CREB5: variants seen among roughly 807,000 people sequenced by gnomAD.
CREB5 encodes cyclic AMP-responsive element-binding protein 5.
In CREB5, 19 loss-of-function variants were observed where a neutral mutation model predicts 57.1. The observed-to-expected ratio is 0.33, with a 90% confidence interval of 0.23 to 0.49. The LOEUF is 0.49. Among genes scored for constraint, CREB5 ranks in the 20% least tolerant of loss-of-function variants. CREB5 has a pLI of 0.99. For missense variants in CREB5, 579 were observed against 671.6 expected (o/e 0.86, Z 1.52); for synonymous variants, 238 against 238.3 (o/e 1.00, Z 0.01).
intron 4 of CREB5, among the ~76,000 whole-genome samples, chr7:28,530,638 A>T (rs1433371119): frequency 6.6e-6 from 1 of 152,168 alleles, no homozygotes; most frequent in Non-Finnish European, 1.5e-5. Context: ...CCCTCCCTCT[A>T]CGCTGCTGAA....
chr7:28,749,810 T>G lies in CREB5; in HGVS notation c.702+25478T>G, dbSNP rs535069581. ...CATCAGTACGAATAGAAGAAGTGTT[T>G]AATGCAGTTGCCAGATTTTTATGCA... On this transcript the variant is annotated intron_variant, in intron 7 of 10. Transcript: ENST00000357727. Among the ~76,000 whole-genome samples, 10 of 152,342 alleles carry G rather than the reference T, an allele frequency of 6.6e-5. 1 individual carries two copies. Among genetic ancestry groups the G allele is most frequent in the African/African-American group, 2.4e-4 (10 of 41,572 alleles).
chr7:28,711,258 C>T (rs954570189), intron 5 of CREB5, among the ~76,000 whole-genome samples: 1 of 152,188 alleles, frequency 6.6e-6, no homozygotes, highest in Non-Finnish European at 1.5e-5. Flanking sequence ...TCTTCCTGCA[C>T]ACTCAACATT....
At chr7:28,312,412 G>T (rs913137912) in intron 1 of CREB5, among the ~76,000 whole-genome samples, 2 of 152,198 alleles carry the variant, frequency 1.3e-5, no homozygotes, top group African/African-American at 4.8e-5. Context: ...GAGCTGCAAG[G>T]AATGCTGGCA....
chr7:28,327,297 G>C (rs12674177), intron 1 of CREB5, among the ~76,000 whole-genome samples: 20,912 of 151,940 alleles, frequency 0.14, 1,579 homozygotes, highest in East Asian at 0.25. Context: ...GTAAATTTTG[G>C]CTCCAAGAAA....
At position 28,819,183 on chromosome 7, in the gene CREB5, T is replaced by TA. The variant is rs1271536294; in HGVS notation, c.1432dup (p.Thr478AsnfsTer45). 6.2e-7 allele frequency: 1 copy of TA among 1,613,854 alleles called. No homozygotes were observed. Among genetic ancestry groups the TA allele is most frequent in the South Asian group, 1.1e-5 (1 of 91,068 alleles). On this transcript the variant is annotated frameshift_variant, in exon 11 of 11. Transcript: ENST00000357727. LOFTEE classifies it high-confidence loss of function. Reference sequence around the variant, plus strand: ...CCCAGCAACAAGTCATCCAGCATAATACCATCACTACTTCCTCATCGGTCA... The same window carrying TA: ...CCCAGCAACAAGTCATCCAGCATAATAACCATCACTACTTCCTCATCGGTCA...
At chr7:28,560,851 T>TGTGCGCGTGC (rs1795105392) in intron 4 of CREB5, among the ~76,000 whole-genome samples, 4 of 69,142 alleles carry the variant, frequency 5.8e-5, no homozygotes, top group African/African-American at 2.3e-4. Flanking sequence ...TGTGCGCGTG[T>TGTGCGCGTGC]GTGTGTGCGT....
At chr7:28,463,267 C>T (rs1239511398) in intron 1 of CREB5, among the ~76,000 whole-genome samples, 2 of 152,098 alleles carry the variant, frequency 1.3e-5, no homozygotes, top group African/African-American at 2.4e-5. Flanking sequence ...TATGGACTCT[C>T]AGTTCTATCT....
At chr7:28,526,971 CAT>C (rs1441089172) in intron 4 of CREB5, among the ~76,000 whole-genome samples, 1 of 152,226 alleles carries the variant, frequency 6.6e-6, no homozygotes, top group Non-Finnish European at 1.5e-5. Context: ...CACCTGGACA[CAT>C]ACTCTACACC....
At chr7:28,488,834 G>A (rs1019678977) in intron 2 of CREB5, among the ~76,000 whole-genome samples, 2 of 152,172 alleles carry the variant, frequency 1.3e-5, no homozygotes, top group South Asian at 4.1e-4. Flanking sequence ...GTGGGAATTC[G>A]AAGAGATACT....
chr7:28,455,526 T>C (rs894942997), intron 1 of CREB5, among the ~76,000 whole-genome samples: 3 of 152,204 alleles, frequency 2.0e-5, no homozygotes, highest in African/African-American at 7.2e-5. Context: ...ATCCTCTAAG[T>C]ATGTGGTAGA....
At position 28,560,953 on chromosome 7, in the gene CREB5, T is replaced by C. The variant is rs1294297467; in HGVS notation, c.292-9412T>C. Among the ~76,000 whole-genome samples the C allele has an allele frequency of 6.9e-3, 326 of 47,070 alleles. 16 individuals carry two copies. The highest frequency in any genetic ancestry group is 0.045 in the South Asian group (38 of 840). The allele number at this position is 47,070 out of a possible 152,430, so 30.9% of individuals were successfully genotyped here. The stretch of plus-strand genomic sequence containing the variant: ...GCGTGTGTGCGTGCGTGTGTGTGCG[T>C]GTGTGTGCGTGTGTGTGTGCGTGTG... On this transcript the variant is annotated intron_variant, in intron 4 of 10. Coordinates refer to ENST00000357727, the MANE Select transcript of CREB5 (RefSeq NM_182898.4).
intron 10 of CREB5, 117 bp downstream of exon 10, chr7:28,818,296 T>C (rs1031867084): frequency 1.4e-5 from 10 of 700,148 alleles, no homozygotes; most frequent in African/African-American, 5.4e-5. Flanking sequence ...CAGGCAGATA[T>C]ACAAGAATTC....
chr7:28,744,019 GT>G (rs1339077236), intron 7 of CREB5, among the ~76,000 whole-genome samples: 1 of 75,058 alleles, frequency 1.3e-5, no homozygotes, highest in Non-Finnish European at 2.5e-5. Flanking sequence ...CCCCACCACA[GT>G]CCCCAGAGTG....
intron 5 of CREB5, among the ~76,000 whole-genome samples, chr7:28,715,170 G>A (rs549791314): frequency 5.1e-4 from 78 of 152,286 alleles, no homozygotes; most frequent in Middle Eastern, 3.4e-3. Context: ...AATATCAAAA[G>A]AAATGAACTG....
At chr7:28,636,416 CCTT>C (rs1798419740) in intron 5 of CREB5, among the ~76,000 whole-genome samples, 2 of 152,146 alleles carry the variant, frequency 1.3e-5, no homozygotes, top group Admixed American at 6.5e-5. Context: ...TCATCTTCCT[CCTT>C]CTCCAAATCT....
rs545848554 is a variant in CREB5 at position 28,629,577 on chromosome 7, A to C, written c.464+59040A>C. Among the ~76,000 whole-genome samples, 13 of 152,296 alleles carry C rather than the reference A, an allele frequency of 8.5e-5. No individual in the cohort carries two copies. The East Asian group carries it at 2.1e-3, about 25-fold the overall frequency. On this transcript the variant is annotated intron_variant, in intron 5 of 10. Transcript: ENST00000357727. Reference sequence around the variant, plus strand: ...GTTGAACAGTTGTGTTGCTTTCAGGAAACACGTTGGCCTTCTAGGGTTAGG... The same window carrying C: ...GTTGAACAGTTGTGTTGCTTTCAGGCAACACGTTGGCCTTCTAGGGTTAGG...
chr7:28,333,520 A>G (rs1785754579), intron 1 of CREB5, among the ~76,000 whole-genome samples: 1 of 151,874 alleles, frequency 6.6e-6, no homozygotes, highest in Non-Finnish European at 1.5e-5. Flanking sequence ...TTTGGTACCC[A>G]TTAACCGTTC....
chr7:28,638,378 C>G (rs1418576339), intron 5 of CREB5, among the ~76,000 whole-genome samples: 1 of 66,000 alleles, frequency 1.5e-5, no homozygotes, highest in African/African-American at 7.0e-5. Context: ...CAGAATCTCA[C>G]TCTGTTGCCT....
At chr7:28,565,088 C>T (rs1390937537) in intron 4 of CREB5, among the ~76,000 whole-genome samples, 2 of 152,174 alleles carry the variant, frequency 1.3e-5, no homozygotes, top group East Asian at 1.9e-4. Flanking sequence ...GAATAGACCT[C>T]TTAACTCCCA....
Sources: allele counts gnomAD v4.1 joint callset (sites outside exome capture counted in the v4.1 genomes callset), GRCh38; gene constraint gnomAD v4.1.1; transcripts MANE v1.5; gene names NCBI Gene and HGNC (gene_info 2026-07-23, HGNC 2026-07-21).